Variants in TASOR observed in about 807,000 individuals in gnomAD.
TASOR encodes the protein protein TASOR.
TASOR carries 53 observed loss-of-function variants against 178.6 expected under a neutral mutation model. The observed-to-expected ratio is 0.30, with a 90% confidence interval of 0.24 to 0.37. TASOR has a LOEUF of 0.37. TASOR is among the 10% of genes least tolerant of loss of function. The pLI is 1.00. For synonymous variants in TASOR, 713 were observed against 696.2 expected (o/e 1.02, Z -0.38); for missense variants, 1,815 against 1,971.4 (o/e 0.92, Z 1.50).
chr3:56,665,534 G>A (rs553885278), intron 7 of TASOR, among the ~76,000 whole-genome samples: 4 of 152,028 alleles, frequency 2.6e-5, no homozygotes, highest in African/African-American at 4.8e-5. Flanking sequence ...TTTTTTTGTA[G>A]TTTTAGTAGA....
At chr3:56,643,409 TAGG>T (rs1324864291) in intron 14 of TASOR, among the ~76,000 whole-genome samples, 1 of 152,026 alleles carries the variant, frequency 6.6e-6, no homozygotes, top group East Asian at 1.9e-4. Flanking sequence ...GGGAATGGGT[TAGG>T]AGGTTACCTC....
intron 21 of TASOR, among the ~76,000 whole-genome samples, chr3:56,625,859 T>C (rs1049387472): frequency 2.0e-5 from 3 of 152,178 alleles, no homozygotes; most frequent in Admixed American, 1.3e-4. Context: ...CCTGACCTTG[T>C]GATCCACCCG....
At position 56,638,725 on chromosome 3, in the gene TASOR, A is replaced by T. The variant is rs1160321706; in HGVS notation, c.2805T>A (p.His935Gln). ...ARSPEDQLGK[H>Q]GEKQTPGMKS... ...TCTCACCTGGTGTTTGTTTCTCACC[A>T]TGTTTCCCCAGCTGGTCTTCTGGGC... Residue 935 changes from histidine (H) to glutamine (Q), a missense_variant, in exon 17 of 24, where the codon CAT becomes CAA. Physicochemically the swap from His to Gln is conservative, Grantham distance 24. Transcript: ENST00000683822. The T allele has an allele frequency of 1.2e-6, 2 of 1,613,998 alleles. No homozygotes were observed. The highest frequency in any genetic ancestry group is 3.3e-5 in the Admixed American group (2 of 60,002).
intron 2 of TASOR, among the ~76,000 whole-genome samples, chr3:56,672,619 T>C (rs2030849078): frequency 6.6e-6 from 1 of 152,252 alleles, no homozygotes; most frequent in Admixed American, 6.5e-5. Context: ...TCAATTATTC[T>C]TCTTTGTTTG....
chr3:56,631,547 C>A (rs1387487543), intron 18 of TASOR, among the ~76,000 whole-genome samples: 1 of 150,770 alleles, frequency 6.6e-6, no homozygotes, highest in African/African-American at 2.5e-5. Flanking sequence ...CATACAGACA[C>A]ACAGAAAGGC....
At chr3:56,634,043 G>GA in intron 17 of TASOR, 77 bp from the exon 18 acceptor site, 6 of 1,175,420 alleles carry the variant, frequency 5.1e-6, no homozygotes, top group Non-Finnish European at 7.0e-6. Context: ...TAAATTGGGG[G>GA]AAAAAAGGGT....
At position 56,648,998 on chromosome 3, in the gene TASOR, C is replaced by T; in HGVS notation, c.1428G>A (p.Met476Ile). The T allele has an allele frequency of 6.2e-7, 1 of 1,608,018 alleles. No homozygotes were observed. The highest frequency in any genetic ancestry group is 8.5e-7 in the Non-Finnish European group (1 of 1,178,262). ...GYLFLLSPYQ[M>I]VPPYEYQTAK... Reference sequence around the variant, plus strand: ...GAGACCACCTACCATATGGAGGAACCATCTGATAAGGGGAGAGAAGAAAAA... The same window carrying T: ...GAGACCACCTACCATATGGAGGAACTATCTGATAAGGGGAGAGAAGAAAAA... The change falls in exon 12 of 24, where the codon ATG (methionine) becomes ATA (isoleucine). Residue 476 changes from methionine to isoleucine, a missense_variant. Around this residue, in one of 5 missense-constraint regions of TASOR, gnomAD observed 504 missense variants for 645.3 expected, o/e 0.78. Coordinates refer to ENST00000683822, the MANE Select transcript of TASOR (RefSeq NM_001365635.2).
intron 21 of TASOR, among the ~76,000 whole-genome samples, chr3:56,626,451 G>A (rs2076800978): frequency 6.6e-6 from 1 of 152,230 alleles, no homozygotes; most frequent in African/African-American, 2.4e-5. Flanking sequence ...AGTTAAAAAA[G>A]GAAAATGCTG....
chr3:56,644,884 T>C (rs932691672), intron 14 of TASOR, among the ~76,000 whole-genome samples: 1 of 152,196 alleles, frequency 6.6e-6, no homozygotes, highest in Non-Finnish European at 1.5e-5. Context: ...AATGGTGTGG[T>C]TGTTGAAATG....
chr3:56,652,991 G>A (rs1033034248), intron 11 of TASOR, among the ~76,000 whole-genome samples: 4 of 152,012 alleles, frequency 2.6e-5, no homozygotes, highest in African/African-American at 4.8e-5. Flanking sequence ...CAGGCCGGGC[G>A]CAGTGGCTCA....
At position 56,641,740 on chromosome 3, in the gene TASOR, G is replaced by C. The variant is rs376555001; in HGVS notation, c.2228C>G (p.Pro743Arg). 8 of 1,604,910 alleles carry C rather than the reference G, an allele frequency of 5.0e-6. No homozygotes were observed. Among genetic ancestry groups the C allele is most frequent in the Admixed American group, 3.4e-5 (2 of 59,330 alleles). The stretch of plus-strand genomic sequence containing the variant: ...AGCATCATGTCCAAGTGAGCCAATA[G>C]GCTGTGGAGACTCTGAGAAAAAGGA... ...NCHLYEESPQ[P>R]IGSLGHDADL... The change falls in exon 15 of 24, where the codon CCT (proline) becomes CGT (arginine). Residue 743 changes from proline (P) to arginine (R), a missense_variant. Coordinates refer to ENST00000683822, the MANE Select transcript of TASOR (RefSeq NM_001365635.2).
At chr3:56,649,197 T>C in intron 11 of TASOR, 140 bp from the exon 12 acceptor site, 1 of 523,208 alleles carries the variant, frequency 1.9e-6, no homozygotes, top group African/African-American at 1.9e-5. Flanking sequence ...AATGAATTAG[T>C]TAATTCTTTC....
At chr3:56,671,531 T>C in intron 3 of TASOR, 69 bp downstream of exon 3, 1 of 1,161,572 alleles carries the variant, frequency 8.6e-7, no homozygotes, top group Non-Finnish European at 1.2e-6. Context: ...TACTGTTGAA[T>C]AATCACAAAA....
rs1012219245 is a variant in TASOR, at chr3:56,683,064, G to A, written c.-58C>T. Reference sequence around the variant, plus strand: ...GCCCACAAGGTCGACGGGTGTGGGGGGAAGGGGCGGCGGGCCAGTCTCGCC... The same window carrying A: ...GCCCACAAGGTCGACGGGTGTGGGGAGAAGGGGCGGCGGGCCAGTCTCGCC... On this transcript the variant is annotated 5_prime_UTR_variant, in exon 1 of 24. Transcript: ENST00000683822. 8 of 1,435,628 alleles carry A rather than the reference G, an allele frequency of 5.6e-6. No homozygotes were observed. The highest frequency in any genetic ancestry group is 1.4e-5 in the African/African-American group (1 of 69,592). The allele number at this position is 1,435,628 out of a possible 1,614,324, so 88.9% of individuals were successfully genotyped here.
rs760670111 is a variant in TASOR at position 56,647,243 on chromosome 3, A to AC, written c.1514-21dup. The AC allele has an allele frequency of 2.0e-6, 3 of 1,505,130 alleles. No homozygotes were observed. Among genetic ancestry groups the AC allele is most frequent in the Non-Finnish European group, 2.7e-6 (3 of 1,131,486 alleles). The allele number at this position is 1,505,130 out of a possible 1,614,324, so 93.2% of individuals were successfully genotyped here. The stretch of plus-strand genomic sequence containing the variant: ...TTTGTGCTGTAAATAAAACAAACAA[A>AC]CAAAAAAGCAAACCATGTTAGCAAT... On this transcript the variant is annotated intron_variant, in intron 13 of 23. Transcript: ENST00000683822.
intron 17 of TASOR, among the ~76,000 whole-genome samples, chr3:56,636,898 G>A (rs770768576): frequency 3.9e-5 from 6 of 152,122 alleles, no homozygotes; most frequent in Middle Eastern, 3.4e-3. Flanking sequence ...TACTAGCCGG[G>A]CACAGTGGCT....
Position 56,646,613 on chromosome 3 carries a change from A to C in TASOR, c.2124T>G (p.Thr708=). 6.2e-7 allele frequency: 1 copy of C among 1,613,318 alleles called. No individual in the cohort carries two copies. The highest frequency in any genetic ancestry group is 2.2e-5 in the East Asian group (1 of 44,854). The part of the protein sequence containing the change: ...DSDTEDMRSK[T]VLKRKLEDLP... ...GATCCTCAAGCTTCCTCTTCAAGAC[A>C]GTTTTGCTTCTCATATCTTCTGTGT... The change falls in exon 14 of 24, where the codon ACT becomes ACG. Residue 708 remains threonine (T), a synonymous_variant. Coordinates refer to ENST00000683822, the MANE Select transcript of TASOR (RefSeq NM_001365635.2).
chr3:56,674,377 G>GTGCA (rs1559854537), intron 1 of TASOR, among the ~76,000 whole-genome samples: 1 of 151,560 alleles, frequency 6.6e-6, no homozygotes, highest in East Asian at 1.9e-4. Flanking sequence ...AGGCATGGTG[G>GTGCA]TGCATGCCTG....
intron 14 of TASOR, among the ~76,000 whole-genome samples, chr3:56,644,373 T>G (rs562151411): frequency 1.3e-5 from 2 of 152,262 alleles, no homozygotes; most frequent in East Asian, 3.9e-4. Flanking sequence ...CAGCACAGAT[T>G]GCAAATCCAG....
Sources: gnomAD v4.1 joint callset for allele counts (sites outside exome capture counted in the v4.1 genomes callset) on GRCh38, gnomAD v4.1.1 for gene constraint, gnomAD v4.1.1 regional missense constraint, MANE v1.5 for transcripts, NCBI Gene and HGNC (gene_info 2026-07-23, HGNC 2026-07-21) for gene names.